The following TAFA4 variants were observed in gnomAD, a reference collection of about 807,000 sequenced individuals.
The protein encoded by TAFA4 is chemokine-like protein TAFA-4.
TAFA4 carries 20 observed loss-of-function variants against 21.1 expected under a neutral mutation model. The ratio of observed to expected loss-of-function variants is 0.95; its 90% CI spans 0.67 to 1.38. The LOEUF (loss-of-function observed/expected upper bound fraction) is 1.38. Among genes scored for constraint, TAFA4 ranks in the 40% most tolerant of loss-of-function variants. The probability of loss-of-function intolerance (pLI) is 0.00; values close to 1 mark genes in which losing one functional copy is unlikely to be tolerated. For synonymous variants in TAFA4, 71 were observed against 67.4 expected (o/e 1.05, Z -0.26); for missense variants, 211 against 180.9 (o/e 1.17, Z -0.95).
At chr3:68,819,793 G>A (rs1559532233) in intron 3 of TAFA4, among the ~76,000 whole-genome samples, 1 of 152,172 alleles carries the variant, frequency 6.6e-6, no homozygotes, top group Non-Finnish European at 1.5e-5. Flanking sequence ...GCTAAGTGTT[G>A]GTGAGGATGC....
chr3:68,780,134 T>A, intron 3 of TAFA4, among the ~76,000 whole-genome samples: 1 of 152,284 alleles, frequency 6.6e-6, no homozygotes, highest in East Asian at 1.9e-4. Flanking sequence ...TTTGGCCAAT[T>A]TCTCCCATTT....
intron 1 of TAFA4, among the ~76,000 whole-genome samples, chr3:68,887,307 G>T (rs1464970351): frequency 6.6e-6 from 1 of 152,192 alleles, no homozygotes; most frequent in Non-Finnish European, 1.5e-5. Context: ...ACATGCTACA[G>T]CAGGAATTAG....
chr3:68,762,124 A>C (rs1307861477), intron 3 of TAFA4, among the ~76,000 whole-genome samples: 1 of 151,822 alleles, frequency 6.6e-6, no homozygotes, highest in Non-Finnish European at 1.5e-5. Flanking sequence ...AAAATCCCAG[A>C]GGGAAAAACT....
At chr3:68,927,323 AACT>A (rs1164925944) in intron 1 of TAFA4, among the ~76,000 whole-genome samples, 9 of 152,236 alleles carry the variant, frequency 5.9e-5, no homozygotes, top group Admixed American at 5.9e-4. Context: ...CAAGAAATAA[AACT>A]ACTAATTTTC....
chr3:68,837,371 C>G (rs987585948), intron 3 of TAFA4, among the ~76,000 whole-genome samples: 2 of 152,180 alleles, frequency 1.3e-5, no homozygotes, highest in Non-Finnish European at 2.9e-5. Context: ...GCCCAAGAAA[C>G]ACTGCCACAA....
intron 3 of TAFA4, among the ~76,000 whole-genome samples, chr3:68,814,881 G>A (rs908065614): frequency 6.6e-6 from 1 of 152,156 alleles, no homozygotes; most frequent in African/African-American, 2.4e-5. Context: ...AAAGAACAAA[G>A]CTGGAGGCAT....
At chr3:68,750,968 G>A (rs1033340750) in intron 4 of TAFA4, among the ~76,000 whole-genome samples, 4 of 152,138 alleles carry the variant, frequency 2.6e-5, no homozygotes, top group Admixed American at 6.6e-5. Context: ...GAAGGCATAC[G>A]TTTTTACAAT....
chr3:68,812,960 A>G (rs1462244230), intron 3 of TAFA4, among the ~76,000 whole-genome samples: 2 of 152,172 alleles, frequency 1.3e-5, no homozygotes, highest in Non-Finnish European at 2.9e-5. Flanking sequence ...AAGAACAGAA[A>G]TTATAACAAA....
intron 3 of TAFA4, among the ~76,000 whole-genome samples, chr3:68,861,679 C>G (rs1379445941): frequency 6.6e-6 from 1 of 151,976 alleles, no homozygotes; most frequent in Non-Finnish European, 1.5e-5. Context: ...ACCCCCCCAG[C>G]CCAGCTCAAC....
At chr3:68,924,006 G>A (rs1278738594) in intron 1 of TAFA4, among the ~76,000 whole-genome samples, 1 of 152,182 alleles carries the variant, frequency 6.6e-6, no homozygotes, top group Non-Finnish European at 1.5e-5. Flanking sequence ...AATTAAATCA[G>A]ATAGCACAAA....
chr3:68,855,760 T>C (rs967065537), intron 3 of TAFA4, among the ~76,000 whole-genome samples: 1 of 151,854 alleles, frequency 6.6e-6, no homozygotes. Context: ...ACATCCCTTC[T>C]CCCCATCTTC....
At chr3:68,773,268 C>T (rs1424278425) in intron 3 of TAFA4, among the ~76,000 whole-genome samples, 1 of 152,130 alleles carries the variant, frequency 6.6e-6, no homozygotes, top group South Asian at 2.1e-4. Flanking sequence ...CTCAGCAAAG[C>T]TCTATATGTA....
At chr3:68,875,663 G>A (rs1398829507) in intron 3 of TAFA4, among the ~76,000 whole-genome samples, 1 of 152,046 alleles carries the variant, frequency 6.6e-6, no homozygotes, top group African/African-American at 2.4e-5. Flanking sequence ...ACCCCAGTGG[G>A]TAAGTGCTCA....
chr3:68,783,673 C>CAG (rs1163439201), intron 3 of TAFA4, among the ~76,000 whole-genome samples: 1,976 of 86,162 alleles, frequency 0.023, 29 homozygotes, highest in Middle Eastern at 0.042. Flanking sequence ...CACACACACA[C>CAG]AGAGAGAGAG....
chr3:68,833,782 C>G (rs758226874), intron 3 of TAFA4, among the ~76,000 whole-genome samples: 3 of 152,040 alleles, frequency 2.0e-5, no homozygotes, highest in Non-Finnish European at 4.4e-5. Flanking sequence ...ACTGATCACC[C>G]CTTTCAGTTT....
intron 3 of TAFA4, among the ~76,000 whole-genome samples, chr3:68,826,266 A>G (rs1463571660): frequency 6.6e-6 from 1 of 152,168 alleles, no homozygotes; most frequent in East Asian, 1.9e-4. Context: ...CATGCATAAA[A>G]AGGGATAATA....
chr3:68,801,121 G>A (rs1704445139), intron 3 of TAFA4, among the ~76,000 whole-genome samples: 1 of 152,176 alleles, frequency 6.6e-6, no homozygotes, highest in Non-Finnish European at 1.5e-5. Flanking sequence ...TAAATCCCAA[G>A]AAAGTGTACC....
chr3:68,830,673 G>C (rs1704361932), intron 3 of TAFA4, among the ~76,000 whole-genome samples: 1 of 152,150 alleles, frequency 6.6e-6, no homozygotes, highest in Non-Finnish European at 1.5e-5. Context: ...CGTTGATTTG[G>C]GGTGGAGAGT....
intron 1 of TAFA4, among the ~76,000 whole-genome samples, chr3:68,895,057 G>T (rs928249293): frequency 2.6e-5 from 4 of 151,746 alleles, no homozygotes; most frequent in Admixed American, 1.3e-4. Flanking sequence ...TCACTCTATC[G>T]CCCAGGCTCG....
Sources: allele counts gnomAD v4.1 joint callset (sites outside exome capture counted in the v4.1 genomes callset), GRCh38; gene constraint gnomAD v4.1.1; transcripts MANE v1.5; gene names NCBI Gene and HGNC (gene_info 2026-07-23, HGNC 2026-07-21).